Variants in PDE4C observed in about 807,000 individuals in gnomAD.
PDE4C encodes the protein phosphodiesterase 4C.
PDE4C carries 50 observed loss-of-function variants against 63.9 expected under a neutral mutation model. The observed-to-expected ratio is 0.78, with a 90% CI of 0.62 to 0.99. PDE4C has a LOEUF of 0.99. Among genes scored for constraint, PDE4C ranks in the 50% least tolerant of loss-of-function variants. The pLI is 0.00. For missense variants in PDE4C, 777 were observed against 899.1 expected (o/e 0.86, Z 1.74); for synonymous variants, 377 against 385.1 (o/e 0.98, Z 0.25).
chr19:18,212,028 A>G, intron 13 of PDE4C, 87 bp from the exon 14 acceptor site: 1 of 1,334,908 alleles, frequency 7.5e-7, no homozygotes, highest in Middle Eastern at 1.8e-4. Flanking sequence ...GGTGCCATGG[A>G]CACATTCATC....
intron 9 of PDE4C, 113 bp downstream of exon 9, chr19:18,218,827 C>G (rs980693303): frequency 1.4e-5 from 12 of 843,800 alleles, no homozygotes; most frequent in Middle Eastern, 4.9e-4. Flanking sequence ...AAATTATCCC[C>G]TTCAGAAATG....
chr19:18,218,468 G>C, exon 10 of PDE4C: 1 of 1,614,252 alleles, frequency 6.2e-7, no homozygotes, highest in African/African-American at 1.3e-5. Context: ...GTGTCTGCTG[G>C]GATCTGGAAT....
chr19:18,226,381 C>T (rs905269351), exon 1 of PDE4C: 2 of 1,468,030 alleles, frequency 1.4e-6, no homozygotes, highest in African/African-American at 1.5e-5. Flanking sequence ...GGAGCCGGGC[C>T]CGGGGACCGG....
At chr19:18,245,954 C>T (rs1328705311) in intron 1 of PDE4C, among the ~76,000 whole-genome samples, 2 of 152,034 alleles carry the variant, frequency 1.3e-5, no homozygotes, top group African/African-American at 4.8e-5. Flanking sequence ...AACGATTCTA[C>T]TGCCTCAGCC....
chr19:18,233,399 TGCTGAAGG>T (rs1199179468), exon 1 of PDE4C: 6 of 721,202 alleles, frequency 8.3e-6, no homozygotes, highest in Middle Eastern at 2.3e-4. Context: ...GCCCAGATGG[TGCTGAAGG>T]GTAGAACAGG....
upstream of PDE4C, chr19:18,252,323 G>C (rs2148083224): frequency 2.5e-6 from 1 of 399,164 alleles, no homozygotes; most frequent in East Asian, 3.6e-5. Context: ...TTGAGGGGCT[G>C]AGGTGGGTTA....
chr19:18,224,017 T>A (rs1011563950), intron 1 of PDE4C, among the ~76,000 whole-genome samples: 2 of 152,116 alleles, frequency 1.3e-5, no homozygotes, highest in African/African-American at 4.8e-5. Flanking sequence ...CCCCCACTCC[T>A]CCACTTCATC....
intron 1 of PDE4C, among the ~76,000 whole-genome samples, chr19:18,245,233 G>A (rs11086098): frequency 0.61 from 91,888 of 151,142 alleles, 28,111 homozygotes; most frequent in Middle Eastern, 0.71. Flanking sequence ...GCACAATCTC[G>A]GCTCACTGCA....
chr19:18,219,097 G>T, intron 8 of PDE4C, 59 bp from the exon 9 acceptor site: 3 of 1,573,620 alleles, frequency 1.9e-6, no homozygotes, highest in Non-Finnish European at 2.6e-6. Flanking sequence ...AGACTCTAGA[G>T]CCTCCATCCT....
At position 18,219,216 on chromosome 19, in the gene PDE4C, T is replaced by A. The variant is rs1968351469; in HGVS notation, c.870+18A>T. ...CAGGGACCAAACCTTGATCTTGGCA[T>A]TGTGGTTGGGGACCCACCTTGGCCA... On this transcript the variant is annotated intron_variant, in intron 8 of 14. Coordinates refer to ENST00000262805, the Ensembl canonical transcript of PDE4C. 1 of 1,613,868 alleles carries A rather than the reference T, an allele frequency of 6.2e-7. No individual in the cohort carries two copies. Among genetic ancestry groups the A allele is most frequent in the Admixed American group, 1.7e-5 (1 of 60,000 alleles).
chr19:18,230,278 T>C (rs2148050371), upstream of PDE4C, among the ~76,000 whole-genome samples: 1 of 152,324 alleles, frequency 6.6e-6, no homozygotes, highest in African/African-American at 2.4e-5. Flanking sequence ...GGCCACGGTA[T>C]GTGGATCACT....
chr19:18,215,879 G>C (rs1440975902), intron 12 of PDE4C, among the ~76,000 whole-genome samples: 1 of 142,394 alleles, frequency 7.0e-6, no homozygotes, highest in Non-Finnish European at 1.5e-5. Flanking sequence ...GCTGAGGCTA[G>C]AGTGCCGTGG....
chr19:18,241,988 A>G (rs1468498158), intron 1 of PDE4C, among the ~76,000 whole-genome samples: 1 of 152,222 alleles, frequency 6.6e-6, no homozygotes, highest in Non-Finnish European at 1.5e-5. Context: ...AAAACTGGAC[A>G]AGGGTCTGGG....
chr19:18,243,415 G>A (rs1215283229), intron 1 of PDE4C, among the ~76,000 whole-genome samples: 1 of 152,110 alleles, frequency 6.6e-6, no homozygotes, highest in Non-Finnish European at 1.5e-5. Context: ...GTGGTGACTG[G>A]TGATTATTAA....
upstream of PDE4C, among the ~76,000 whole-genome samples, chr19:18,248,770 A>T (rs1215503482): frequency 6.6e-6 from 1 of 152,088 alleles, no homozygotes; most frequent in Non-Finnish European, 1.5e-5. Flanking sequence ...CACGCCTGTA[A>T]TCCCAGCACT....
chr19:18,246,356 T>A (rs920124410), intron 1 of PDE4C, among the ~76,000 whole-genome samples: 1 of 135,262 alleles, frequency 7.4e-6, no homozygotes, highest in Non-Finnish European at 1.6e-5. Context: ...GCTATTTTTT[T>A]TTTTTTAATA....
At chr19:18,237,771 G>A (rs1298917137), upstream of PDE4C, among the ~76,000 whole-genome samples, 7 of 151,156 alleles carry the variant, frequency 4.6e-5, no homozygotes, top group Non-Finnish European at 1.0e-4. Flanking sequence ...TACTCAAGAG[G>A]CTGAGGCAGG....
chr19:18,226,898 G>A (rs1184742707), upstream of PDE4C, among the ~76,000 whole-genome samples: 1 of 152,016 alleles, frequency 6.6e-6, no homozygotes, highest in Admixed American at 6.6e-5. Flanking sequence ...GAGCCATTGC[G>A]CCAGGCCCAA....
chr19:18,211,694 G>A lies in PDE4C; in HGVS notation c.1695+65C>T. The A allele has an allele frequency of 3.8e-6, 6 of 1,575,376 alleles. No individual in the cohort carries two copies. In the South Asian group the frequency reaches 4.5e-5, roughly 12 times the overall value. On this transcript the variant is annotated intron_variant, in intron 14 of 14. Transcript: ENST00000262805. ...CCAGGGCCAAACCAGGGCTCGTGGG[G>A]TTGGCTCAGCCCCTCCTTTTACTTC...
Sources: gnomAD v4.1 joint callset for allele counts (sites outside exome capture counted in the v4.1 genomes callset) on GRCh38, gnomAD v4.1.1 for gene constraint, MANE v1.5 for transcripts, NCBI Gene and HGNC (gene_info 2026-07-23, HGNC 2026-07-21) for gene names.